The following BNIP2 variants were observed in gnomAD, a reference collection of about 807,000 sequenced individuals.
The protein encoded by BNIP2 is BCL2/adenovirus E1B 19 kDa protein-interacting protein 2.
Under a neutral mutation model 43.4 loss-of-function variants are expected in BNIP2, and 36 were observed. That is an observed-to-expected ratio of 0.83 (90% confidence interval 0.64 to 1.10). The LOEUF (loss-of-function observed/expected upper bound fraction) is 1.10, where lower values mean the gene tolerates loss of function less well. Ranked by LOEUF, BNIP2 falls within the 50% of genes least tolerant of loss-of-function variation. The pLI is 0.00. For synonymous variants in BNIP2, 146 were observed against 121.0 expected, an observed-to-expected ratio of 1.21 and a Z score of -1.35; for missense variants, 417 against 374.1, an observed-to-expected ratio of 1.11 and a Z score of -0.95.
chr15:59,666,419 C>T (rs1892570799), intron 9 of BNIP2, among the ~76,000 whole-genome samples: 1 of 152,082 alleles, frequency 6.6e-6, no homozygotes, highest in Non-Finnish European at 1.5e-5. Context: ...GTAATCCCAG[C>T]ACTTTGGGAG....
chr15:59,688,861 C>T (rs1281232016), intron 1 of BNIP2: 3 of 1,510,018 alleles, frequency 2.0e-6, no homozygotes, highest in East Asian at 2.5e-5. Flanking sequence ...AAGGTTCCAT[C>T]CCGAGCACAA....
intron 6 of BNIP2, among the ~76,000 whole-genome samples, chr15:59,671,722 G>C (rs1189707562): frequency 1.3e-5 from 2 of 152,164 alleles, no homozygotes; most frequent in Non-Finnish European, 2.9e-5. Flanking sequence ...AACTGATTTG[G>C]CTCAATTATA....
intron 7 of BNIP2, 81 bp downstream of exon 7, chr15:59,671,101 AT>A: frequency 3.9e-6 from 5 of 1,284,054 alleles, no homozygotes; most frequent in South Asian, 3.2e-5. Context: ...AAAAAAAAAA[AT>A]AGCAACGAAA....
intron 4 of BNIP2, chr15:59,679,332 TA>T: frequency 3.2e-6 from 1 of 315,582 alleles, no homozygotes; most frequent in Non-Finnish European, 5.8e-6. Flanking sequence ...CTTGATTGAC[TA>T]AAAAAGAGCA....
Position 59,677,351 on chromosome 15 carries a change from T to C in BNIP2, c.472+560A>G, listed in dbSNP as rs1477778562. On this transcript the variant is annotated intron_variant, in intron 5 of 9. Transcript: ENST00000607373. ...CAGCGTTCAGAAGGCCAGCATCGTC[T>C]TCCATGGGAGATGACTCTTAAGCCA... The C allele has an allele frequency of 5.2e-6, 8 of 1,549,282 alleles. No homozygotes were observed. In the African/African-American group the frequency reaches 5.5e-5, roughly 11 times the overall value.
At position 59,671,221 on chromosome 15, in the gene BNIP2, C is replaced by A. The variant is rs758455120; in HGVS notation, c.669G>T (p.Leu223=). The change falls in exon 7 of 10, where the codon CTG becomes CTT. Residue 223 remains leucine, a synonymous_variant. Coordinates refer to ENST00000607373, the MANE Select transcript of BNIP2 (RefSeq NM_004330.4). ...GATTRRKMPS[L]GWLRKCYQQI... ...GCTGATAACATTTCCTGAGCCATCC[C>A]AGACTGGGCATTTTTCTTCGAGTTG... 1 of 1,602,400 alleles carries A rather than the reference C, an allele frequency of 6.2e-7. No homozygotes were observed. The highest frequency in any genetic ancestry group is 1.7e-5 in the Admixed American group (1 of 58,332).
intron 2 of BNIP2, among the ~76,000 whole-genome samples, chr15:59,681,266 G>A (rs1250771344): frequency 1.3e-5 from 2 of 152,112 alleles, no homozygotes; most frequent in South Asian, 2.1e-4. Context: ...TGACAAGTAC[G>A]GCACGGAAGC....
intron 1 of BNIP2, chr15:59,688,897 G>C: frequency 3.4e-6 from 5 of 1,473,544 alleles, no homozygotes; most frequent in Non-Finnish European, 4.5e-6. Context: ...AAGCGACGGG[G>C]TGGGGGGCCA....
At chr15:59,672,776 T>C (rs1301276220) in intron 5 of BNIP2, 37 bp from the exon 6 acceptor site, 4 of 1,521,914 alleles carry the variant, frequency 2.6e-6, no homozygotes, top group African/African-American at 1.4e-5. Context: ...ACCAGCACGA[T>C]TTTACTCTTA....
At chr15:59,674,391 T>A (rs1339283906) in intron 5 of BNIP2, among the ~76,000 whole-genome samples, 1 of 152,102 alleles carries the variant, frequency 6.6e-6, no homozygotes, top group Non-Finnish European at 1.5e-5. Context: ...TTTTCCCCTA[T>A]AAAAAAAGTG....
intron 4 of BNIP2, 108 bp from the exon 5 acceptor site, chr15:59,678,195 T>G: frequency 7.0e-7 from 1 of 1,427,584 alleles, no homozygotes; most frequent in South Asian, 1.6e-5. Context: ...CATTATACCA[T>G]CTGCACAATT....
chr15:59,682,198 A>T (rs1201093664), intron 2 of BNIP2, among the ~76,000 whole-genome samples: 1 of 152,076 alleles, frequency 6.6e-6, no homozygotes, highest in African/African-American at 2.4e-5. Context: ...GTGGTGGCGC[A>T]CACCTATAGT....
chr15:59,669,005 A>T lies in BNIP2; in HGVS notation c.795-15T>A, dbSNP rs1892737534. On this transcript the variant is annotated splice_polypyrimidine_tract_variant and intron_variant, in intron 8 of 9. Transcript: ENST00000607373. Reference sequence around the variant, plus strand: ...TGAATTTCGAGCTATGGAAGAAAATAAAAATAATTACTTCCATATTTCTGA... The same window carrying T: ...TGAATTTCGAGCTATGGAAGAAAATTAAAATAATTACTTCCATATTTCTGA... 2 of 1,589,540 alleles carry T rather than the reference A, an allele frequency of 1.3e-6. No individual in the cohort carries two copies. Among genetic ancestry groups the T allele is most frequent in the Admixed American group, 1.7e-5 (1 of 59,582 alleles).
chr15:59,670,461 T>A (rs759127760), intron 7 of BNIP2, among the ~76,000 whole-genome samples: 15 of 151,942 alleles, frequency 9.9e-5, no homozygotes, highest in Non-Finnish European at 1.8e-4. Flanking sequence ...ACATAAAACA[T>A]GCTAAGCACT....
In BNIP2 at chr15:59,670,811, C is replaced by T. The variant is rs965082222; in HGVS notation, c.707+372G>A. On this transcript the variant is annotated intron_variant, in intron 7 of 9. Coordinates refer to ENST00000607373, the MANE Select transcript of BNIP2 (RefSeq NM_004330.4). ...ACAGAAGGCTGGGCGCGGTGGCTCACGCCTGTAATCCCAGCACTTCAGGAG... is the reference window on the plus strand; with the variant it reads ...ACAGAAGGCTGGGCGCGGTGGCTCATGCCTGTAATCCCAGCACTTCAGGAG... Among the ~76,000 whole-genome samples the T allele has an allele frequency of 5.3e-5, 8 of 152,020 alleles. No individual in the cohort carries two copies. In the South Asian group the frequency reaches 1.0e-3, roughly 20 times the overall value.
intron 1 of BNIP2, among the ~76,000 whole-genome samples, chr15:59,686,905 G>A (rs975255911): frequency 6.6e-6 from 1 of 152,098 alleles, no homozygotes; most frequent in African/African-American, 2.4e-5. Flanking sequence ...TAATCCAAGC[G>A]ATCAGGGAGG....
intron 1 of BNIP2, among the ~76,000 whole-genome samples, chr15:59,687,867 T>TTATA (rs59614827): frequency 0.026 from 4,002 of 152,248 alleles, 155 homozygotes; most frequent in African/African-American, 0.092. Flanking sequence ...TCATTTTATC[T>TTATA]TATATATGAG....
At position 59,669,042 on chromosome 15, in the gene BNIP2, G is replaced by A. The variant is rs893709377; in HGVS notation, c.795-52C>T. The A allele has an allele frequency of 4.9e-5, 71 of 1,434,664 alleles. No individual in the cohort carries two copies. The Admixed American group carries it at 5.4e-4, about 11-fold the overall frequency. The allele number at this position is 1,434,664 out of a possible 1,614,324, so 88.9% of individuals were successfully genotyped here. Reference sequence around the variant, plus strand: ...TTCCATATTTCTGACAAATACAATGGATACAATGTTTACAAGATACAAAAA... The same window carrying A: ...TTCCATATTTCTGACAAATACAATGAATACAATGTTTACAAGATACAAAAA... On this transcript the variant is annotated intron_variant, in intron 8 of 9. Transcript: ENST00000607373.
At position 59,659,633 on chromosome 15, in the gene BNIP2, G is replaced by A. The variant is rs1393371431; in HGVS notation, c.*4436C>T. 1 of 152,198 alleles carries A rather than the reference G, an allele frequency of 6.6e-6. No homozygotes were observed. The allele number at this position is 152,198 out of a possible 1,614,324, so 9.4% of individuals were successfully genotyped here. A position where few individuals can be genotyped will look rare whatever the true frequency, so the allele number is the denominator to read the frequency against. On this transcript the variant is annotated 3_prime_UTR_variant, in exon 10 of 10. Transcript: ENST00000607373. ...ACAAAGTCCACATACAAAAAGTGCA[G>A]TGTAGAAGCTGATGAATGTTATTTT...
Sources: allele counts gnomAD v4.1 joint callset (sites outside exome capture counted in the v4.1 genomes callset), GRCh38; gene constraint gnomAD v4.1.1; transcripts MANE v1.5; gene names NCBI Gene and HGNC (gene_info 2026-07-23, HGNC 2026-07-21).